SUPT16H: variants seen among roughly 807,000 people sequenced by gnomAD.
The protein encoded by SUPT16H is FACT complex subunit SPT16.
SUPT16H carries 24 observed loss-of-function variants against 136.2 expected under a neutral mutation model. The observed-to-expected ratio is 0.18, with a 90% CI of 0.13 to 0.25. The LOEUF is 0.25. SUPT16H is among the 10% of genes least tolerant of loss of function. The pLI, the probability that SUPT16H is intolerant of heterozygous loss-of-function variation, is 1.00. For synonymous variants in SUPT16H, 415 were observed against 428.2 expected (o/e 0.97, Z 0.38); for missense variants, 623 against 1,270.2 (o/e 0.49, Z 7.74).
intron 1 of SUPT16H, among the ~76,000 whole-genome samples, chr14:21,380,912 A>G (rs572666216): frequency 6.6e-6 from 1 of 151,768 alleles, no homozygotes; most frequent in African/African-American, 2.4e-5. Context: ...GTAATCATGA[A>G]AAGGCTGGCA....
In SUPT16H at chr14:21,369,758, C is replaced by T. The variant is rs758066968; in HGVS notation, c.622G>A (p.Ala208Thr). Residue 208 changes from alanine (A) to threonine (T), a missense_variant, in exon 5 of 26, where the codon GCA becomes ACA. Transcript: ENST00000216297. ...CTCTCATCTCCATTTACCTCATCTG[C>T]ATCAACTATTTCCATGACTCTTTCC... ...FKERVMEIVD[A>T]DEKVRHSKLA... The T allele has an allele frequency of 6.8e-6, 11 of 1,614,140 alleles. No individual in the cohort carries two copies. Among genetic ancestry groups the T allele is most frequent in the Non-Finnish European group, 9.3e-6 (11 of 1,179,998 alleles).
chr14:21,375,262 C>A, intron 1 of SUPT16H, among the ~76,000 whole-genome samples: 1 of 151,796 alleles, frequency 6.6e-6, no homozygotes, highest in Non-Finnish European at 1.5e-5. Context: ...GATCCGCCCC[C>A]ACTTGGCCTC....
intron 1 of SUPT16H, among the ~76,000 whole-genome samples, chr14:21,378,757 GA>G (rs1401563800): frequency 2.0e-5 from 3 of 152,068 alleles, no homozygotes; most frequent in Admixed American, 2.0e-4. Flanking sequence ...AAATATGAAA[GA>G]AACAAAAAAC....
rs1886749685 is a variant in SUPT16H at position 21,369,907 on chromosome 14, A to G, written c.484-11T>C. 2 of 1,611,818 alleles carry G rather than the reference A, an allele frequency of 1.2e-6. No individual in the cohort carries two copies. Among genetic ancestry groups the G allele is most frequent in the Non-Finnish European group, 1.7e-6 (2 of 1,178,430 alleles). ...TGCACTGATATCTATCTGCAGTCAA[A>G]GTGACAAGAGTTTCTAACATGCAAG... On this transcript the variant is annotated splice_polypyrimidine_tract_variant and intron_variant, in intron 4 of 25. Coordinates refer to ENST00000216297, the MANE Select transcript of SUPT16H (RefSeq NM_007192.4).
rs1021439676 is a variant in SUPT16H at position 21,373,414 on chromosome 14, T to A, written c.83A>T (p.Tyr28Phe). 8 of 1,614,020 alleles carry A rather than the reference T, an allele frequency of 5.0e-6. No individual in the cohort carries two copies. Among genetic ancestry groups the A allele is most frequent in the East Asian group, 2.2e-5 (1 of 44,874 alleles). Residue 28 changes from tyrosine to phenylalanine, a missense_variant, in exon 2 of 26, where the codon TAT becomes TTT. Coordinates refer to ENST00000216297, the MANE Select transcript of SUPT16H (RefSeq NM_007192.4). ...TACAACAATGGCATCAACGTTGGCA[T>A]ACTCATCTTCTCCTTTCTGAAAAGA... ...YSNWRKGEDEYANVDAIVVSV... is the reference protein window; with the variant it reads ...YSNWRKGEDEFANVDAIVVSV...
At chr14:21,363,592 C>CTT (rs1439197594) in intron 10 of SUPT16H, 89 bp from the exon 11 acceptor site, 16 of 1,082,512 alleles carry the variant, frequency 1.5e-5, no homozygotes, top group Admixed American at 2.1e-5. Flanking sequence ...TGCTTTGAAT[C>CTT]TTTTGGACAC....
rs551071979 is a variant in SUPT16H at position 21,358,542 on chromosome 14, G to C, written c.2302-115C>G. 8.1e-5 allele frequency: 56 copies of C among 691,080 alleles called. No individual in the cohort carries two copies. In the South Asian group the frequency reaches 8.3e-4, roughly 10 times the overall value. The allele number at this position is 691,080 out of a possible 1,614,324, so 42.8% of individuals were successfully genotyped here. A position where few individuals can be genotyped will look rare whatever the true frequency, so the allele number is the denominator to read the frequency against. On this transcript the variant is annotated intron_variant, in intron 19 of 25. Transcript: ENST00000216297. The stretch of plus-strand genomic sequence containing the variant: ...TAAAAATTCCAACTTTTAAGTTCAG[G>C]AGTGCATGGGCAGGATTTGCAGGTT...
In SUPT16H at chr14:21,352,645, A is replaced by T. The variant is rs1813520033; in HGVS notation, c.*28T>A. 6.2e-7 allele frequency: 1 copy of T among 1,612,826 alleles called. No homozygotes were observed. Among genetic ancestry groups the T allele is most frequent in the Non-Finnish European group, 8.5e-7 (1 of 1,179,732 alleles). ...ATTTTCAGGGGTTGGCTGGAGGAAG[A>T]ATGGAGCTCAGGGCCAAAGTTCAGA... On this transcript the variant is annotated 3_prime_UTR_variant, in exon 26 of 26. Coordinates refer to ENST00000216297, the MANE Select transcript of SUPT16H (RefSeq NM_007192.4).
At chr14:21,377,744 C>T (rs1886934967) in intron 1 of SUPT16H, among the ~76,000 whole-genome samples, 1 of 152,200 alleles carries the variant, frequency 6.6e-6, no homozygotes, top group South Asian at 2.1e-4. Context: ...GTGCCTCAGC[C>T]TCCTAAGTAG....
At chr14:21,374,619 G>C (rs1048000387) in intron 1 of SUPT16H, among the ~76,000 whole-genome samples, 4 of 152,094 alleles carry the variant, frequency 2.6e-5, no homozygotes, top group African/African-American at 4.8e-5. Flanking sequence ...TCTTTCACTT[G>C]TTTTCAAGGC....
chr14:21,359,443 T>C, intron 19 of SUPT16H, 41 bp downstream of exon 19: 1 of 1,602,504 alleles, frequency 6.2e-7, no homozygotes. Flanking sequence ...GGCCTCATCC[T>C]CCCTCACTAT....
At chr14:21,377,210 C>T (rs917151793) in intron 1 of SUPT16H, among the ~76,000 whole-genome samples, 1 of 151,856 alleles carries the variant, frequency 6.6e-6, no homozygotes, top group African/African-American at 2.4e-5. Flanking sequence ...AATAATGCAC[C>T]ATCCTAGGAC....
In SUPT16H at chr14:21,371,969, T is replaced by C; in HGVS notation, c.235A>G (p.Lys79Glu). Residue 79 changes from lysine (K) to glutamate (E), a missense_variant, in exon 3 of 26, where the codon AAG becomes GAG. Transcript: ENST00000216297. Reference sequence around the variant, plus strand: ...TGTTTCAAGAACTCCACTTTTTTCTTGCTGGCCATAAAGATGATTTTGTCA... The same window carrying C: ...TGTTTCAAGAACTCCACTTTTTTCTCGCTGGCCATAAAGATGATTTTGTCA... ...CDDKIIFMAS[K>E]KKVEFLKQIA... is the part of the protein sequence containing the mutation. The C allele has an allele frequency of 6.2e-7, 1 of 1,614,158 alleles. No individual in the cohort carries two copies.
intron 22 of SUPT16H, among the ~76,000 whole-genome samples, chr14:21,355,967 A>T (rs1272785518): frequency 6.6e-6 from 1 of 152,224 alleles, no homozygotes; most frequent in African/African-American, 2.4e-5. Flanking sequence ...GATAAAAAGC[A>T]GCACAAGACC....
intron 2 of SUPT16H, 57 bp downstream of exon 2, chr14:21,373,281 C>G (rs1337895162): frequency 2.3e-6 from 3 of 1,315,384 alleles, no homozygotes; most frequent in African/African-American, 2.9e-5. Context: ...CCATACTGAA[C>G]AGTGCAGTAG....
intron 18 of SUPT16H, among the ~76,000 whole-genome samples, chr14:21,360,111 T>G (rs1270812336): frequency 1.3e-5 from 2 of 152,186 alleles, no homozygotes; most frequent in Non-Finnish European, 2.9e-5. Flanking sequence ...CACTGCAACT[T>G]CCGCCTCCCA....
chr14:21,368,580 TTG>T (rs1886721144), intron 6 of SUPT16H, 139 bp from the exon 7 acceptor site: 2 of 993,356 alleles, frequency 2.0e-6, no homozygotes, highest in Non-Finnish European at 2.8e-6. Flanking sequence ...CTAAACTTTT[TTG>T]TGTTTTGTTT....
chr14:21,365,158 A>G lies in SUPT16H; in HGVS notation c.1047-15T>C. The G allele has an allele frequency of 6.2e-7, 1 of 1,611,520 alleles. No individual in the cohort carries two copies. The highest frequency in any genetic ancestry group is 2.2e-5 in the East Asian group (1 of 44,836). Reference sequence around the variant, plus strand: ...CCATCCCAAACCTGAAAAGAAACAGATAAACATCAGCAAAAGGCTAAAGAT... The same window carrying G: ...CCATCCCAAACCTGAAAAGAAACAGGTAAACATCAGCAAAAGGCTAAAGAT... On this transcript the variant is annotated splice_polypyrimidine_tract_variant and intron_variant, in intron 8 of 25. Coordinates refer to ENST00000216297, the MANE Select transcript of SUPT16H (RefSeq NM_007192.4).
At position 21,364,772 on chromosome 14, in the gene SUPT16H, A is replaced by G. The variant is rs961138348; in HGVS notation, c.1233+55T>C. 2.7e-5 allele frequency: 41 copies of G among 1,510,278 alleles called. 1 individual carries two copies. Among genetic ancestry groups the G allele is most frequent in the Middle Eastern group, 2.4e-4 (1 of 4,234 alleles). The allele number at this position is 1,510,278 out of a possible 1,614,324, so 93.6% of individuals were successfully genotyped here. The stretch of plus-strand genomic sequence containing the variant: ...CAAGAAAAAAACCACAGGGTCCACA[A>G]ACGTGCCTCAGAAGTTAGTTCATGA... On this transcript the variant is annotated intron_variant, in intron 10 of 25. Transcript: ENST00000216297.
Sources: allele counts gnomAD v4.1 joint callset (sites outside exome capture counted in the v4.1 genomes callset), GRCh38; gene constraint gnomAD v4.1.1; transcripts MANE v1.5; gene names NCBI Gene and HGNC (gene_info 2026-07-23, HGNC 2026-07-21).